Variants in TET2 observed in about 807,000 individuals in gnomAD.
TET2 encodes methylcytosine dioxygenase TET2.
A neutral mutation model predicts 142.9 loss-of-function variants in TET2; 299 were observed. The observed-to-expected ratio is 2.09, with a 90% confidence interval of 1.90 to 2.30. The LOEUF is 2.30. TET2 is among the 30% of genes most tolerant of loss of function. The probability of loss-of-function intolerance (pLI) is 0.00; values close to 1 mark genes in which losing one functional copy is unlikely to be tolerated. For synonymous variants in TET2, 819 were observed against 849.0 expected (o/e 0.96, Z 0.61); for missense variants, 2,418 against 2,378.0 (o/e 1.02, Z -0.35).
intron 6 of TET2, among the ~76,000 whole-genome samples, chr4:105,255,621 T>G (rs1016487624): frequency 6.6e-6 from 1 of 152,202 alleles, no homozygotes; most frequent in African/African-American, 2.4e-5. Context: ...CATTTTTTGC[T>G]TCATGTATTT....
chr4:105,167,646 G>A (rs1176324175), intron 1 of TET2, among the ~76,000 whole-genome samples: 1 of 152,122 alleles, frequency 6.6e-6, no homozygotes, highest in Non-Finnish European at 1.5e-5. Flanking sequence ...TAATGCTTTA[G>A]TATTACAGTG....
At chr4:105,182,144 A>G (rs1209699399) in intron 1 of TET2, among the ~76,000 whole-genome samples, 5 of 152,226 alleles carry the variant, frequency 3.3e-5, no homozygotes, top group African/African-American at 1.2e-4. Context: ...GGTAATTTGC[A>G]AAGACTTGTA....
intron 1 of TET2, among the ~76,000 whole-genome samples, chr4:105,188,945 T>A (rs1301570525): frequency 6.6e-6 from 1 of 152,096 alleles, no homozygotes; most frequent in Non-Finnish European, 1.5e-5. Flanking sequence ...ATAGTAATGA[T>A]AGGTGAGAGT....
intron 2 of TET2, among the ~76,000 whole-genome samples, chr4:105,221,594 C>T (rs930608335): frequency 3.8e-4 from 58 of 152,268 alleles, no homozygotes; most frequent in South Asian, 4.1e-4. Context: ...GCAGTGCACA[C>T]GCTGTATGTG....
Position 105,236,575 on chromosome 4 carries a change from T to G in TET2, c.2633T>G (p.Leu878Arg), listed in dbSNP as rs753055492. The G allele has an allele frequency of 1.2e-6, 2 of 1,614,100 alleles. No homozygotes were observed. Among genetic ancestry groups the G allele is most frequent in the Non-Finnish European group, 1.7e-6 (2 of 1,180,008 alleles). ...FPNNVIPKQD[L>R]LHRCFQEQEQ... Reference sequence around the variant, plus strand: ...AATAATGTGATCCCAAAGCAAGATCTTCTTCACAGGTGCTTTCAAGAACAG... The same window carrying G: ...AATAATGTGATCCCAAAGCAAGATCGTCTTCACAGGTGCTTTCAAGAACAG... The change falls in exon 3 of 11, where the codon CTT becomes CGT. Residue 878 changes from leucine to arginine, a missense_variant. Leu to Arg is a moderately radical substitution (Grantham distance 102). Transcript: ENST00000380013.
At chr4:105,255,772 C>T (rs1730094064) in intron 6 of TET2, among the ~76,000 whole-genome samples, 2 of 151,718 alleles carry the variant, frequency 1.3e-5, no homozygotes, top group African/African-American at 4.8e-5. Context: ...TAGTCTTTGC[C>T]TTTTAATTTT....
intron 1 of TET2, among the ~76,000 whole-genome samples, chr4:105,160,900 G>A (rs900631227): frequency 1.6e-4 from 25 of 151,912 alleles, no homozygotes; most frequent in Non-Finnish European, 1.5e-5. Context: ...CTCAGGCTTC[G>A]GAGTAGCTGG....
intron 8 of TET2, among the ~76,000 whole-genome samples, chr4:105,265,613 A>G (rs1308505754): frequency 6.6e-6 from 1 of 152,220 alleles, no homozygotes; most frequent in Admixed American, 6.5e-5. Context: ...TTATGAGGTT[A>G]GATAGACAAA....
chr4:105,245,040 C>G (rs1019198806), intron 6 of TET2, among the ~76,000 whole-genome samples: 3 of 152,226 alleles, frequency 2.0e-5, no homozygotes, highest in African/African-American at 7.2e-5. Context: ...ATTGCAACAG[C>G]TAGCCAAATT....
chr4:105,225,719 T>C (rs1403432224), intron 2 of TET2, among the ~76,000 whole-genome samples: 1 of 152,124 alleles, frequency 6.6e-6, no homozygotes, highest in Non-Finnish European at 1.5e-5. Flanking sequence ...CTCCATGCCA[T>C]GGCAACTGCA....
intron 1 of TET2, among the ~76,000 whole-genome samples, chr4:105,180,022 T>C (rs1031560521): frequency 6.6e-6 from 1 of 152,072 alleles, no homozygotes; most frequent in African/African-American, 2.4e-5. Flanking sequence ...TCTTTCACTG[T>C]TTTTTTTCTT....
chr4:105,146,823 G>A (rs1339209465), upstream of TET2: 5 of 152,260 alleles, frequency 3.3e-5, no homozygotes, highest in Non-Finnish European at 7.3e-5. Flanking sequence ...TGAGTGATGA[G>A]AACAGACGTC....
intron 1 of TET2, among the ~76,000 whole-genome samples, chr4:105,174,626 A>T (rs1313020473): frequency 1.3e-5 from 2 of 152,154 alleles, no homozygotes; most frequent in African/African-American, 4.8e-5. Context: ...TAATTGAAAA[A>T]TTGTTCAGTG....
At chr4:105,173,687 G>T (rs1173054523) in intron 1 of TET2, among the ~76,000 whole-genome samples, 10 of 152,110 alleles carry the variant, frequency 6.6e-5, no homozygotes. Context: ...GGGGTTTGCT[G>T]ATTTGTTTTC....
chr4:105,194,527 C>A (rs1725968142), intron 2 of TET2, among the ~76,000 whole-genome samples: 1 of 152,176 alleles, frequency 6.6e-6, no homozygotes, highest in Non-Finnish European at 1.5e-5. Context: ...GATCTGGCTA[C>A]TGATTTCTCT....
chr4:105,191,009 A>G (rs1374282889), intron 2 of TET2, among the ~76,000 whole-genome samples: 1 of 152,196 alleles, frequency 6.6e-6, no homozygotes, highest in Non-Finnish European at 1.5e-5. Context: ...GAACTAAATT[A>G]TGGAATGGCA....
At chr4:105,205,027 ATTTTG>A (rs1025021963) in intron 2 of TET2, among the ~76,000 whole-genome samples, 5 of 151,580 alleles carry the variant, frequency 3.3e-5, no homozygotes, top group South Asian at 2.1e-4. Flanking sequence ...AATTGTTTTT[ATTTTG>A]TTTTGTTTTG....
At chr4:105,192,215 G>T (rs1049051821) in intron 2 of TET2, among the ~76,000 whole-genome samples, 1 of 151,748 alleles carries the variant, frequency 6.6e-6, no homozygotes, top group African/African-American at 2.4e-5. Context: ...AAAAAAAAAC[G>T]AAGACAACAA....
chr4:105,272,060 C>G (rs1161666957), intron 9 of TET2, among the ~76,000 whole-genome samples: 1 of 152,038 alleles, frequency 6.6e-6, no homozygotes, highest in Non-Finnish European at 1.5e-5. Flanking sequence ...ATTTCTTAAA[C>G]AGAGAGAGTT....
Sources: gnomAD v4.1 joint callset for allele counts (sites outside exome capture counted in the v4.1 genomes callset) on GRCh38, gnomAD v4.1.1 for gene constraint, MANE v1.5 for transcripts, NCBI Gene and HGNC (gene_info 2026-07-23, HGNC 2026-07-21) for gene names.